GCNT2: variants seen among roughly 807,000 people sequenced by gnomAD.
GCNT2 encodes the protein N-acetyllactosaminide beta-1,6-N-acetylglucosaminyl-transferase.
Under a neutral mutation model 34.2 loss-of-function variants are expected in GCNT2, and 34 were observed. That is an observed-to-expected ratio of 1.00 (90% confidence interval 0.76 to 1.32). GCNT2 has a LOEUF of 1.32. Among genes scored for constraint, GCNT2 ranks in the 40% most tolerant of loss-of-function variants. The pLI is 0.00. For missense variants in GCNT2, 584 were observed against 489.4 expected (o/e 1.19, Z -1.82); for synonymous variants, 212 against 188.0 (o/e 1.13, Z -1.04).
chr6:10,571,420 C>T (rs9295587), intron 3 of GCNT2, among the ~76,000 whole-genome samples: 95,106 of 151,920 alleles, frequency 0.63, 30,198 homozygotes, highest in Middle Eastern at 0.71. Context: ...GGTGCAATCT[C>T]AGCTCACTGC....
intron 3 of GCNT2, among the ~76,000 whole-genome samples, chr6:10,544,598 C>T (rs1209560539): frequency 2.0e-5 from 3 of 150,968 alleles, no homozygotes; most frequent in Non-Finnish European, 4.4e-5. Flanking sequence ...AGCAAGACTC[C>T]ATCTCAAAAA....
At chr6:10,596,366 CA>C (rs1170067986) in intron 3 of GCNT2, among the ~76,000 whole-genome samples, 1 of 152,032 alleles carries the variant, frequency 6.6e-6, no homozygotes, top group African/African-American at 2.4e-5. Context: ...TACTAAAATA[CA>C]AAAAGTAGCC....
At chr6:10,526,524 A>AT (rs1420978621) in intron 1 of GCNT2, among the ~76,000 whole-genome samples, 7 of 152,324 alleles carry the variant, frequency 4.6e-5, no homozygotes, top group Admixed American at 6.5e-5. Flanking sequence ...ATGTTATTGT[A>AT]TAATAGTAAG....
At chr6:10,586,571 C>A in intron 3 of GCNT2, 1 of 1,614,176 alleles carries the variant, frequency 6.2e-7, no homozygotes, top group Non-Finnish European at 8.5e-7. Flanking sequence ...GTGGACAAGA[C>A]TTCCCCCTGA....
At chr6:10,569,275 C>CACACACACACA (rs1491437125) in intron 3 of GCNT2, among the ~76,000 whole-genome samples, 1,153 of 101,264 alleles carry the variant, frequency 0.011, 91 homozygotes, top group South Asian at 0.019. Flanking sequence ...ACACACACAC[C>CACACACACACA]CCCTAGGTAA....
intron 3 of GCNT2, chr6:10,574,804 CT>C (rs1763723695): frequency 3.2e-6 from 2 of 623,346 alleles, no homozygotes; most frequent in Non-Finnish European, 6.1e-6. Context: ...CCCACTGGCT[CT>C]CATAAAGTGT....
intron 3 of GCNT2, among the ~76,000 whole-genome samples, chr6:10,608,672 TAAAC>T (rs968473642): frequency 1.2e-4 from 18 of 152,122 alleles, no homozygotes; most frequent in African/African-American, 4.1e-4. Context: ...TTGTCTCTAA[TAAAC>T]AAACACAAAA....
intron 3 of GCNT2, among the ~76,000 whole-genome samples, chr6:10,606,638 A>AAGAAATTTAATGGAAATTTCCATTAG: frequency 7.8e-6 from 1 of 127,706 alleles, no homozygotes; most frequent in African/African-American, 2.6e-5. Context: ...ATTTCCATTA[A>AAGAAATTTAATGGAAATTTCCATTAG]AGAAATTTAA....
chr6:10,557,481 C>A, intron 3 of GCNT2: 1 of 694,672 alleles, frequency 1.4e-6, no homozygotes. Context: ...TTTCTAAATG[C>A]AGAAAGATGT....
At chr6:10,525,954 A>G (rs531220344) in intron 1 of GCNT2, among the ~76,000 whole-genome samples, 4 of 152,326 alleles carry the variant, frequency 2.6e-5, no homozygotes, top group Admixed American at 1.3e-4. Context: ...TGTCTGGATA[A>G]ATTAGGAGAA....
chr6:10,617,757 T>TTTTTTTTTA (rs1422405001), intron 3 of GCNT2, among the ~76,000 whole-genome samples: 1 of 120,766 alleles, frequency 8.3e-6, no homozygotes, highest in Non-Finnish European at 1.7e-5. Flanking sequence ...CTTCTTTTTT[T>TTTTTTTTTA]TTTTTTTTTT....
At chr6:10,545,409 G>A (rs1229094417) in intron 3 of GCNT2, among the ~76,000 whole-genome samples, 1 of 152,054 alleles carries the variant, frequency 6.6e-6, no homozygotes, top group African/African-American at 2.4e-5. Context: ...GATTTTTGCT[G>A]CTTTAAATAC....
intron 3 of GCNT2, among the ~76,000 whole-genome samples, chr6:10,572,466 G>A (rs1253059938): frequency 1.3e-5 from 2 of 152,166 alleles, no homozygotes; most frequent in Non-Finnish European, 2.9e-5. Flanking sequence ...GCTCACGCCT[G>A]TAATCCCAGC....
intron 3 of GCNT2, among the ~76,000 whole-genome samples, chr6:10,613,570 G>A (rs1765643506): frequency 2.0e-5 from 3 of 152,126 alleles, no homozygotes; most frequent in Admixed American, 2.0e-4. Context: ...AATACTAGTT[G>A]TGTCCCATTA....
At chr6:10,542,893 C>CT (rs869251646) in intron 3 of GCNT2, among the ~76,000 whole-genome samples, 5,053 of 82,204 alleles carry the variant, frequency 0.061, 107 homozygotes, top group African/African-American at 0.12. Context: ...TATGTTAATT[C>CT]TTTTTTTTTT....
At chr6:10,556,152 C>A in intron 3 of GCNT2, 1 of 1,341,692 alleles carries the variant, frequency 7.5e-7, no homozygotes. Flanking sequence ...AACGGGGAGG[C>A]AGAGGGAGGA....
At chr6:10,524,483 A>G (rs1168867655) in intron 1 of GCNT2, among the ~76,000 whole-genome samples, 1 of 152,086 alleles carries the variant, frequency 6.6e-6, no homozygotes, top group Non-Finnish European at 1.5e-5. Context: ...AACTCAATCC[A>G]GGGCTCTTTT....
At chr6:10,606,369 A>T (rs1765311605) in intron 3 of GCNT2, among the ~76,000 whole-genome samples, 1 of 152,150 alleles carries the variant, frequency 6.6e-6, no homozygotes, top group Admixed American at 6.5e-5. Flanking sequence ...CCAAAACTAG[A>T]TCCAAGAGGT....
intron 3 of GCNT2, among the ~76,000 whole-genome samples, chr6:10,542,021 C>T (rs549922447): frequency 2.6e-5 from 4 of 152,142 alleles, no homozygotes; most frequent in East Asian, 1.9e-4. Context: ...CAAAGCTTGG[C>T]GTCAGATTGA....
Sources: gnomAD v4.1 joint callset for allele counts (sites outside exome capture counted in the v4.1 genomes callset) on GRCh38, gnomAD v4.1.1 for gene constraint, MANE v1.5 for transcripts, NCBI Gene and HGNC (gene_info 2026-07-23, HGNC 2026-07-21) for gene names.